BANK1: variants seen among roughly 807,000 people sequenced by gnomAD.
The protein encoded by BANK1 is B cell scaffold protein with ankyrin repeats 1, also known as B-cell scaffold protein with ankyrin repeats.
A neutral mutation model predicts 94.5 loss-of-function variants in BANK1; 95 were observed. The observed-to-expected ratio is 1.00, with a 90% CI of 0.85 to 1.19. BANK1 has a LOEUF of 1.19. Among genes scored for constraint, BANK1 ranks in the 50% most tolerant of loss-of-function variants. The probability of loss-of-function intolerance (pLI) is 0.00; values close to 1 mark genes in which losing one functional copy is unlikely to be tolerated. For missense variants in BANK1, 987 were observed against 932.2 expected, an observed-to-expected ratio of 1.06 and a Z score of -0.77; for synonymous variants, 334 against 308.4, an observed-to-expected ratio of 1.08 and a Z score of -0.87.
At chr4:101,969,237 T>C (rs546931399) in intron 7 of BANK1, among the ~76,000 whole-genome samples, 8 of 152,030 alleles carry the variant, frequency 5.3e-5, no homozygotes, top group African/African-American at 1.7e-4. Flanking sequence ...AGCAAAGATC[T>C]TTTTTTTAAA....
chr4:101,952,406 G>A (rs1301254795), intron 7 of BANK1, among the ~76,000 whole-genome samples: 1 of 152,092 alleles, frequency 6.6e-6, no homozygotes, highest in East Asian at 1.9e-4. Flanking sequence ...TCTTAAGAGT[G>A]AAGTTTTCTA....
At chr4:101,840,055 G>A (rs28420155) in intron 2 of BANK1, among the ~76,000 whole-genome samples, 3,226 of 121,274 alleles carry the variant, frequency 0.027, 139 homozygotes, top group African/African-American at 0.092. Context: ...TGCAAGCTCC[G>A]CCTCCCGGGT....
chr4:101,948,147 T>C lies in BANK1; in HGVS notation c.1206+29958T>C, dbSNP rs79346832. 5.6e-3 allele frequency among the ~76,000 whole-genome samples: 852 copies of C among 152,268 alleles called. 14 individuals are homozygous for C. The East Asian group carries it at 0.057, about 10-fold the overall frequency. On this transcript the variant is annotated intron_variant, in intron 7 of 16. Coordinates refer to ENST00000322953, the MANE Select transcript of BANK1 (RefSeq NM_017935.5). ...ACTTGGTTTTTAAGAAATCCTGTTA[T>C]GAACATTTTGCAAGGAAAAGAGCAG...
intron 1 of BANK1, among the ~76,000 whole-genome samples, chr4:101,811,106 C>A (rs1725718645): frequency 6.6e-6 from 1 of 152,114 alleles, no homozygotes; most frequent in Non-Finnish European, 1.5e-5. Context: ...CAGGACTGTT[C>A]CTGAAATGTT....
chr4:101,805,437 T>C (rs35194352), intron 1 of BANK1, among the ~76,000 whole-genome samples: 41,834 of 151,850 alleles, frequency 0.28, 6,000 homozygotes, highest in Non-Finnish European at 0.32. Context: ...GACATAAGCA[T>C]GTTAATAGAT....
chr4:101,801,349 G>T (rs1725349856), intron 1 of BANK1, among the ~76,000 whole-genome samples: 1 of 152,086 alleles, frequency 6.6e-6, no homozygotes, highest in Non-Finnish European at 1.5e-5. Flanking sequence ...TTGCAATATG[G>T]TTGCTAAAAA....
chr4:101,857,539 C>T (rs930386877), intron 3 of BANK1, among the ~76,000 whole-genome samples: 1 of 152,144 alleles, frequency 6.6e-6, no homozygotes, highest in African/African-American at 2.4e-5. Flanking sequence ...TTAATTAAGG[C>T]AGTGGGTGCT....
At chr4:101,877,368 A>G (rs140189675) in intron 5 of BANK1, among the ~76,000 whole-genome samples, 7 of 152,362 alleles carry the variant, frequency 4.6e-5, no homozygotes, top group African/African-American at 1.7e-4. Context: ...GTAAGTACAC[A>G]GAGAAACACA....
chr4:101,793,068 G>GT (rs933826553), intron 1 of BANK1, among the ~76,000 whole-genome samples: 15 of 151,956 alleles, frequency 9.9e-5, no homozygotes, highest in African/African-American at 2.2e-4. Flanking sequence ...CCACACCATA[G>GT]TTTTTTTTAA....
intron 5 of BANK1, among the ~76,000 whole-genome samples, chr4:101,880,574 C>A (rs1163407732): frequency 6.6e-6 from 1 of 151,934 alleles, no homozygotes; most frequent in Admixed American, 6.6e-5. Context: ...AGAAAAAAAA[C>A]TATCCTAAAG....
intron 7 of BANK1, among the ~76,000 whole-genome samples, chr4:101,920,162 A>C (rs1722954190): frequency 6.6e-6 from 1 of 151,908 alleles, no homozygotes; most frequent in Non-Finnish European, 1.5e-5. Context: ...GTAGGTGGGA[A>C]TTGAACAGTG....
intron 7 of BANK1, among the ~76,000 whole-genome samples, chr4:102,016,877 G>A (rs1402052993): frequency 2.0e-5 from 3 of 152,094 alleles, no homozygotes; most frequent in African/African-American, 4.8e-5. Flanking sequence ...ATTAAGGGCA[G>A]CAGAGAGGAT....
chr4:101,799,512 T>C (rs1204027627), intron 1 of BANK1, among the ~76,000 whole-genome samples: 3 of 152,192 alleles, frequency 2.0e-5, no homozygotes, highest in African/African-American at 7.2e-5. Flanking sequence ...CGTATGTTTA[T>C]TGTGGCACTA....
At chr4:101,904,799 T>C (rs1722393102) in intron 6 of BANK1, among the ~76,000 whole-genome samples, 1 of 151,670 alleles carries the variant, frequency 6.6e-6, no homozygotes, top group Non-Finnish European at 1.5e-5. Context: ...TATAACTACT[T>C]TGATATACTT....
chr4:101,984,645 A>T (rs1725425700), intron 7 of BANK1, among the ~76,000 whole-genome samples: 1 of 152,142 alleles, frequency 6.6e-6, no homozygotes, highest in African/African-American at 2.4e-5. Flanking sequence ...CAGAATTTCA[A>T]TTAGATCTAA....
intron 1 of BANK1, among the ~76,000 whole-genome samples, chr4:101,821,000 T>C (rs1278656962): frequency 6.6e-6 from 1 of 152,048 alleles, no homozygotes; most frequent in African/African-American, 2.4e-5. Context: ...GCCATTACTG[T>C]CTTTAGGTCT....
Position 101,829,870 on chromosome 4 carries a change from A to G in BANK1, c.133A>G (p.Thr45Ala). ...TGCTGAGGAATGGGCTCTGTACTTG[A>G]CAGAAGTATTTTTACATGTTGTGAA... ...EDAEEWALYLTEVFLHVVKRE... is the reference protein window; with the variant it reads ...EDAEEWALYLAEVFLHVVKRE... The change falls in exon 2 of 17, where the codon ACA (threonine) becomes GCA (alanine). Residue 45 changes from threonine (T) to alanine (A), a missense_variant. Thr to Ala is a moderately conservative substitution (Grantham distance 58). Transcript: ENST00000322953. The G allele has an allele frequency of 3.7e-6, 6 of 1,611,566 alleles. No individual in the cohort carries two copies. The highest frequency in any genetic ancestry group is 5.1e-6 in the Non-Finnish European group (6 of 1,178,174).
At chr4:101,873,671 T>G (rs934626976) in intron 5 of BANK1, among the ~76,000 whole-genome samples, 8 of 152,190 alleles carry the variant, frequency 5.3e-5, no homozygotes, top group Non-Finnish European at 1.2e-4. Context: ...TTTTAATCAT[T>G]TCATCTTTGT....
At position 102,008,360 on chromosome 4, in the gene BANK1, T is replaced by G. The variant is rs142740001; in HGVS notation, c.1207-13154T>G. On this transcript the variant is annotated intron_variant, in intron 7 of 16. Transcript: ENST00000322953. ...CCTTTGAAAAACATGAATTGTTTTA[T>G]AAATAAACAGAACTGTAATCAAGGT... Among the ~76,000 whole-genome samples, 400 of 152,342 alleles carry G rather than the reference T, an allele frequency of 2.6e-3. 5 individuals are homozygous for G. Among genetic ancestry groups the G allele is most frequent in the Admixed American group, 0.018 (270 of 15,306 alleles).
Sources: allele counts gnomAD v4.1 joint callset (sites outside exome capture counted in the v4.1 genomes callset), GRCh38; gene constraint gnomAD v4.1.1; transcripts MANE v1.5; gene names NCBI Gene and HGNC (gene_info 2026-07-23, HGNC 2026-07-21).